DPP8: variants seen among roughly 807,000 people sequenced by gnomAD.
DPP8 encodes dipeptidyl peptidase 8, also known as DPP VIII.
A neutral mutation model predicts 107.5 loss-of-function variants in DPP8; 31 were observed. That is an observed-to-expected ratio of 0.29 (90% confidence interval 0.22 to 0.39). DPP8 has a LOEUF of 0.39. Ranked by LOEUF, DPP8 falls within the 10% of genes least tolerant of loss-of-function variation. The pLI is 1.00. For missense variants in DPP8, 842 were observed against 1,076.1 expected (o/e 0.78, Z 3.04); for synonymous variants, 381 against 356.6 (o/e 1.07, Z -0.77).
At chr15:65,471,338 C>A (rs2065877876) in intron 12 of DPP8, among the ~76,000 whole-genome samples, 1 of 152,076 alleles carries the variant, frequency 6.6e-6, no homozygotes, top group South Asian at 2.1e-4. Flanking sequence ...TCTTGATACC[C>A]TGAAGTTTTT....
intron 9 of DPP8, among the ~76,000 whole-genome samples, chr15:65,480,823 G>A (rs908642767): frequency 1.3e-5 from 2 of 152,128 alleles, no homozygotes; most frequent in African/African-American, 2.4e-5. Context: ...TCTGCCAAGT[G>A]CAGTGGTTCA....
intron 15 of DPP8, among the ~76,000 whole-genome samples, chr15:65,458,102 A>C (rs904689164): frequency 6.6e-6 from 1 of 152,160 alleles, no homozygotes; most frequent in African/African-American, 2.4e-5. Flanking sequence ...TGATATGAAC[A>C]CTTAAATATA....
At chr15:65,504,304 G>C (rs149588993) in intron 3 of DPP8, among the ~76,000 whole-genome samples, 1 of 148,480 alleles carries the variant, frequency 6.7e-6, no homozygotes, top group African/African-American at 2.5e-5. Context: ...CAGAGGTTGC[G>C]GTGAGCTGAG....
intron 8 of DPP8, among the ~76,000 whole-genome samples, chr15:65,482,018 A>G (rs1301090298): frequency 6.6e-6 from 1 of 150,648 alleles, no homozygotes; most frequent in Non-Finnish European, 1.5e-5. Flanking sequence ...ATACATATAT[A>G]TGTGTGTGTG....
At chr15:65,462,029 C>T (rs1354736109) in intron 15 of DPP8, among the ~76,000 whole-genome samples, 2 of 152,042 alleles carry the variant, frequency 1.3e-5, no homozygotes, top group Non-Finnish European at 2.9e-5. Flanking sequence ...AGTGTAGTGG[C>T]ACAATCTCAG....
intron 1 of DPP8, among the ~76,000 whole-genome samples, chr15:65,514,097 T>C (rs2071139469): frequency 6.6e-6 from 1 of 152,234 alleles, no homozygotes; most frequent in South Asian, 2.1e-4. Context: ...CTAAAAGTTA[T>C]TAGCAGGTAT....
chr15:65,478,446 G>C (rs2066605533), intron 11 of DPP8, among the ~76,000 whole-genome samples: 1 of 152,142 alleles, frequency 6.6e-6, no homozygotes, highest in Non-Finnish European at 1.5e-5. Context: ...TTTTAGTAGA[G>C]ATGGTGTTTC....
intron 5 of DPP8, among the ~76,000 whole-genome samples, chr15:65,493,071 T>C (rs2068201442): frequency 6.6e-6 from 1 of 152,076 alleles, no homozygotes; most frequent in Non-Finnish European, 1.5e-5. Context: ...TTCTTTCCTT[T>C]TCTGTTTTCT....
rs113670852 is a variant in DPP8 at position 65,488,671 on chromosome 15, T to A, written c.827-853A>T. Among the ~76,000 whole-genome samples, 345 of 150,068 alleles carry A rather than the reference T, an allele frequency of 2.3e-3. 3 individuals carry two copies. Among genetic ancestry groups the A allele is most frequent in the African/African-American group, 8.0e-3 (326 of 40,524 alleles). On this transcript the variant is annotated intron_variant, in intron 6 of 19. Coordinates refer to ENST00000300141, the MANE Select transcript of DPP8 (RefSeq NM_130434.5). ...AACAGCATAACAGTATCAGGGAGCA[T>A]TACACATAAGAATAAGTATTGCTTC...
At chr15:65,512,184 CAA>C (rs1157010521) in intron 2 of DPP8, 109 bp downstream of exon 2, 7 of 1,127,372 alleles carry the variant, frequency 6.2e-6, no homozygotes, top group Non-Finnish European at 7.7e-6. Flanking sequence ...TTAATGAAAC[CAA>C]AAGTCACTGA....
chr15:65,504,155 A>C (rs1383194311), intron 3 of DPP8, among the ~76,000 whole-genome samples: 1 of 149,296 alleles, frequency 6.7e-6, no homozygotes, highest in Non-Finnish European at 1.5e-5. Context: ...CTGAGGTCGG[A>C]AGTTCAAGAC....
chr15:65,494,591 TGCA>T (rs1361304276), intron 5 of DPP8, among the ~76,000 whole-genome samples: 1 of 131,816 alleles, frequency 7.6e-6, no homozygotes, highest in African/African-American at 2.9e-5. Flanking sequence ...GGAGGATTGC[TGCA>T]GCCCCGTGAA....
intron 8 of DPP8, among the ~76,000 whole-genome samples, chr15:65,482,614 CAA>C (rs1168881667): frequency 6.6e-6 from 1 of 151,984 alleles, no homozygotes; most frequent in Non-Finnish European, 1.5e-5. Flanking sequence ...CCTGGATAAG[CAA>C]AGTTTTTTCT....
At chr15:65,494,365 C>T (rs1056438756) in intron 5 of DPP8, among the ~76,000 whole-genome samples, 10 of 151,844 alleles carry the variant, frequency 6.6e-5, no homozygotes, top group Non-Finnish European at 8.8e-5. Context: ...GGGTGCATGA[C>T]ACCATGTCTG....
rs949603586 is a variant in DPP8 at position 65,512,325 on chromosome 15, C to G, written c.229G>C (p.Gly77Arg). The change falls in exon 2 of 20, where the codon GGA (glycine) becomes CGA (arginine). Residue 77 changes from glycine (G) to arginine (R), a missense_variant. By Grantham distance (125) the Gly-to-Arg change is moderately radical. Coordinates refer to ENST00000300141, the MANE Select transcript of DPP8 (RefSeq NM_130434.5). ...FMFVKRNDPD[G>R]PHSDRIYYLA... is the part of the protein sequence containing the mutation. ...TAATAGATTCTGTCTGAATGAGGTC[C>G]ATCTGGATCATTCCTCTTCACAAAC... 1.2e-6 allele frequency: 2 copies of G among 1,613,430 alleles called. No homozygotes were observed. The highest frequency in any genetic ancestry group is 2.7e-5 in the African/African-American group (2 of 74,904).
intron 11 of DPP8, 22 bp downstream of exon 11, chr15:65,478,858 T>A (rs770152700): frequency 1.8e-5 from 27 of 1,540,412 alleles, no homozygotes; most frequent in Non-Finnish European, 2.0e-5. Context: ...TTTCTTTTTT[T>A]AAAATAAAAT....
At chr15:65,507,473 A>G (rs899512127) in intron 2 of DPP8, 118 bp from the exon 3 acceptor site, 5 of 570,010 alleles carry the variant, frequency 8.8e-6, no homozygotes, top group Non-Finnish European at 1.5e-5. Context: ...TATGGGATAT[A>G]TAATGAATGT....
At chr15:65,486,425 G>T (rs190936948) in intron 7 of DPP8, among the ~76,000 whole-genome samples, 1 of 151,536 alleles carries the variant, frequency 6.6e-6, no homozygotes, top group African/African-American at 2.4e-5. Context: ...AAAATTAGCC[G>T]CACCAGGCTG....
At chr15:65,452,926 C>G (rs2064100948) in intron 17 of DPP8, among the ~76,000 whole-genome samples, 1 of 151,488 alleles carries the variant, frequency 6.6e-6, no homozygotes, top group Non-Finnish European at 1.5e-5. Context: ...GAGCCGAGAT[C>G]GCACACTGCA....
Sources: allele counts gnomAD v4.1 joint callset (sites outside exome capture counted in the v4.1 genomes callset), GRCh38; gene constraint gnomAD v4.1.1; transcripts MANE v1.5; gene names NCBI Gene and HGNC (gene_info 2026-07-23, HGNC 2026-07-21).